KIAA1549L: variants seen among roughly 807,000 people sequenced by gnomAD.
KIAA1549L encodes the protein UPF0606 protein KIAA1549L.
In KIAA1549L, 88 loss-of-function variants were observed where a neutral mutation model predicts 160.7. That is an observed-to-expected ratio of 0.55 (90% CI 0.46 to 0.65). KIAA1549L has a LOEUF of 0.65. KIAA1549L is among the 30% of genes least tolerant of loss of function. The probability of loss-of-function intolerance (pLI) is 0.00; values close to 1 mark genes in which losing one functional copy is unlikely to be tolerated. For synonymous variants in KIAA1549L, 950 were observed against 976.7 expected, an observed-to-expected ratio of 0.97 and a Z score of 0.51; for missense variants, 2,258 against 2,437.5, an observed-to-expected ratio of 0.93 and a Z score of 1.55.
intron 1 of KIAA1549L, among the ~76,000 whole-genome samples, chr11:33,384,939 T>TTTG (rs1412378623): frequency 4.7e-5 from 7 of 150,108 alleles, no homozygotes; most frequent in Non-Finnish European, 8.9e-5. Flanking sequence ...TTTTTTTTGT[T>TTTG]TTTTGTTTTT....
At chr11:33,379,530 T>C (rs182987817) in intron 1 of KIAA1549L, among the ~76,000 whole-genome samples, 3 of 152,294 alleles carry the variant, frequency 2.0e-5, no homozygotes. Context: ...CCATCCAGGC[T>C]CCAGGCAAAA....
intron 1 of KIAA1549L, among the ~76,000 whole-genome samples, chr11:33,459,162 T>A (rs550548301): frequency 2.0e-5 from 3 of 152,324 alleles, no homozygotes; most frequent in African/African-American, 7.2e-5. Context: ...GCAGCTTGAA[T>A]TGATAATCGT....
At chr11:33,577,723 A>G (rs1855499811) in intron 10 of KIAA1549L, among the ~76,000 whole-genome samples, 1 of 152,144 alleles carries the variant, frequency 6.6e-6, no homozygotes, top group African/African-American at 2.4e-5. Context: ...CAAACTGCCC[A>G]AAAAGTGCCG....
At chr11:33,601,213 C>T (rs1276705460) in intron 13 of KIAA1549L, among the ~76,000 whole-genome samples, 1 of 152,050 alleles carries the variant, frequency 6.6e-6, no homozygotes, top group Non-Finnish European at 1.5e-5. Context: ...AAAGTAAACC[C>T]AGTGAATTTG....
Position 33,670,141 on chromosome 11 carries a change from G to C in KIAA1549L, c.*1987G>C, listed in dbSNP as rs1852623329. 1 of 152,202 alleles carries C rather than the reference G, an allele frequency of 6.6e-6. No homozygotes were observed. Among genetic ancestry groups the C allele is most frequent in the East Asian group, 1.9e-4 (1 of 5,202 alleles). The allele number at this position is 152,202 out of a possible 1,614,324, so 9.4% of individuals were successfully genotyped here. A position where few individuals can be genotyped will look rare whatever the true frequency, so the allele number is the denominator to read the frequency against. On this transcript the variant is annotated 3_prime_UTR_variant, in exon 21 of 21. Transcript: ENST00000658780. Reference sequence around the variant, plus strand: ...CTCAGCCTGTTCATGCAAATGGTATGAGTCTGATAAAATCAGCTACATTGT... The same window carrying C: ...CTCAGCCTGTTCATGCAAATGGTATCAGTCTGATAAAATCAGCTACATTGT...
rs1224264713 is a variant in KIAA1549L, at chr11:33,673,462, A to G, written c.*5308A>G. 1 of 152,206 alleles carries G rather than the reference A, an allele frequency of 6.6e-6. No individual in the cohort carries two copies. Among genetic ancestry groups the G allele is most frequent in the Non-Finnish European group, 1.5e-5 (1 of 68,036 alleles). 9.4% of individuals were successfully genotyped at this position (152,206 alleles called of 1,614,324 possible). The stretch of plus-strand genomic sequence containing the variant: ...ATTTGTATCAAACAGAATCAGAGGC[A>G]TATGAATGGACTGGAAATTGTGAAA... On this transcript the variant is annotated 3_prime_UTR_variant, in exon 21 of 21. Coordinates refer to ENST00000658780, the MANE Select transcript of KIAA1549L (RefSeq NM_012194.3).
At chr11:33,666,906 C>T (rs1852476392) in intron 20 of KIAA1549L, among the ~76,000 whole-genome samples, 4 of 152,166 alleles carry the variant, frequency 2.6e-5, no homozygotes, top group Admixed American at 2.0e-4. Flanking sequence ...TAGCTTATTG[C>T]TTTGAGAACT....
At chr11:33,514,835 T>C (rs1232570760) in intron 1 of KIAA1549L, among the ~76,000 whole-genome samples, 1 of 152,246 alleles carries the variant, frequency 6.6e-6, no homozygotes, top group Non-Finnish European at 1.5e-5. Context: ...ATGGTAATAA[T>C]ATAAACTTGT....
At chr11:33,596,399 A>C (rs893951115) in intron 12 of KIAA1549L, among the ~76,000 whole-genome samples, 1 of 152,124 alleles carries the variant, frequency 6.6e-6, no homozygotes, top group East Asian at 1.9e-4. Context: ...GCAGCCAGAA[A>C]ATTGTTTCAG....
intron 4 of KIAA1549L, among the ~76,000 whole-genome samples, chr11:33,548,292 G>A (rs988956632): frequency 6.6e-6 from 1 of 152,132 alleles, no homozygotes; most frequent in African/African-American, 2.4e-5. Context: ...CCAGCTACTC[G>A]GGAGGCTGAG....
At chr11:33,454,441 A>C (rs1354449135) in intron 1 of KIAA1549L, among the ~76,000 whole-genome samples, 1 of 152,214 alleles carries the variant, frequency 6.6e-6, no homozygotes, top group Admixed American at 6.5e-5. Flanking sequence ...AACAGATGTG[A>C]CAGAAAGCTA....
At chr11:33,382,985 T>C (rs571803828) in intron 1 of KIAA1549L, among the ~76,000 whole-genome samples, 2 of 152,284 alleles carry the variant, frequency 1.3e-5, no homozygotes, top group East Asian at 1.9e-4. Flanking sequence ...ATATTAAAAG[T>C]ACAGTGTTAC....
At chr11:33,591,991 C>T (rs1245359594) in intron 12 of KIAA1549L, among the ~76,000 whole-genome samples, 1 of 152,130 alleles carries the variant, frequency 6.6e-6, no homozygotes, top group Non-Finnish European at 1.5e-5. Flanking sequence ...GGAGGAAGAA[C>T]TTAATTCTGA....
chr11:33,449,441 T>A lies in KIAA1549L; in HGVS notation c.238+72552T>A, dbSNP rs116414810. 7.9e-3 allele frequency among the ~76,000 whole-genome samples: 1,196 copies of A among 152,264 alleles called. 16 individuals carry two copies. Among genetic ancestry groups the A allele is most frequent in the African/African-American group, 0.027 (1,139 of 41,568 alleles). ...GTCAGAGCCAAGTCAATGAGACTAT[T>A]GAGGTCATCTGAGTCTGGAGCAGGC... On this transcript the variant is annotated intron_variant, in intron 1 of 20. Transcript: ENST00000658780.
chr11:33,510,805 G>A (rs778358185), intron 1 of KIAA1549L, among the ~76,000 whole-genome samples: 61 of 152,226 alleles, frequency 4.0e-4, no homozygotes, highest in Non-Finnish European at 7.9e-4. Flanking sequence ...GTCACCACAC[G>A]TGGCCAGCCC....
chr11:33,611,588 G>GA (rs901605467), intron 15 of KIAA1549L, among the ~76,000 whole-genome samples: 1 of 151,742 alleles, frequency 6.6e-6, no homozygotes, highest in African/African-American at 2.4e-5. Context: ...AATACCTGTA[G>GA]AAAAAAAAGA....
At chr11:33,603,534 C>T (rs535871871) in intron 13 of KIAA1549L, among the ~76,000 whole-genome samples, 9 of 151,852 alleles carry the variant, frequency 5.9e-5, no homozygotes, top group Non-Finnish European at 1.3e-4. Flanking sequence ...GGGCCGGGCA[C>T]GATGGCTCAC....
chr11:33,646,002 G>A lies in KIAA1549L; in HGVS notation c.5726G>A (p.Arg1909His), dbSNP rs768652290. The A allele has an allele frequency of 1.2e-5, 20 of 1,601,810 alleles. No individual in the cohort carries two copies. The highest frequency in any genetic ancestry group is 2.3e-5 in the East Asian group (1 of 44,228). Residue 1909 changes from arginine (R) to histidine (H), a missense_variant, in exon 17 of 21, where the codon CGC becomes CAC. Around this residue, in one of 6 missense-constraint regions of KIAA1549L, gnomAD observed 1,359 missense variants for 1,546.6 expected, o/e 0.88. Coordinates refer to ENST00000658780, the MANE Select transcript of KIAA1549L (RefSeq NM_012194.3). ...GGGGTGCAGTGGGTGCCGACCTACC[G>A]CCCAGAAATGTATCAGTACAGTCTG... ...RAGVQWVPTY[R>H]PEMYQYSLPR...
At chr11:33,638,594 A>G (rs912844772) in intron 16 of KIAA1549L, among the ~76,000 whole-genome samples, 5 of 152,092 alleles carry the variant, frequency 3.3e-5, no homozygotes, top group Admixed American at 3.3e-4. Flanking sequence ...AGTATGAAAA[A>G]AAAAACTGCC....
Sources: gnomAD v4.1 joint callset for allele counts (sites outside exome capture counted in the v4.1 genomes callset) on GRCh38, gnomAD v4.1.1 for gene constraint, gnomAD v4.1.1 regional missense constraint, MANE v1.5 for transcripts, NCBI Gene and HGNC (gene_info 2026-07-23, HGNC 2026-07-21) for gene names.